The following SHTN1 variants were observed in gnomAD, a reference collection of about 807,000 sequenced individuals.
SHTN1 encodes shootin-1.
In SHTN1, 42 loss-of-function variants were observed where a neutral mutation model predicts 83.1. That is an observed-to-expected ratio of 0.51 (90% CI 0.39 to 0.65). SHTN1 has a LOEUF of 0.65. Among genes scored for constraint, SHTN1 ranks in the 30% least tolerant of loss-of-function variants. SHTN1 has a pLI of 0.00. For missense variants in SHTN1, 622 were observed against 737.8 expected (o/e 0.84, Z 1.82); for synonymous variants, 224 against 247.7 (o/e 0.90, Z 0.90).
At chr10:116,959,232 G>GGA (rs1307017679) in intron 4 of SHTN1, among the ~76,000 whole-genome samples, 1 of 152,168 alleles carries the variant, frequency 6.6e-6, no homozygotes, top group Non-Finnish European at 1.5e-5. Flanking sequence ...ATGAATAACA[G>GGA]GAGAGAAGTT....
In SHTN1 at chr10:117,028,912, T is replaced by G. The variant is rs529304787; in HGVS notation, c.-123+19533A>C. ...GAATGCAGAGCCCCCACTGAGGCAC[T>G]GCCTGATGGAGCAGTGAGAAGAGGA... On this transcript the variant is annotated intron_variant, in intron 2 of 17. Coordinates refer to the SHTN1 transcript ENST00000392901. Among the ~76,000 whole-genome samples the G allele has an allele frequency of 7.0e-4, 106 of 152,320 alleles. No homozygotes were observed. In the Middle Eastern group the frequency reaches 0.01, roughly 15 times the overall value.
intron 11 of SHTN1, among the ~76,000 whole-genome samples, chr10:116,925,212 A>G (rs1848704479): frequency 6.6e-6 from 1 of 152,210 alleles, no homozygotes; most frequent in Admixed American, 6.5e-5. Context: ...CATTTCAATC[A>G]GTAGACTGAG....
At chr10:116,942,588 G>T (rs1849421020) in intron 8 of SHTN1, among the ~76,000 whole-genome samples, 2 of 152,134 alleles carry the variant, frequency 1.3e-5, no homozygotes, top group Non-Finnish European at 2.9e-5. Context: ...TCTTGTTGAG[G>T]GGGATTAAGT....
chr10:116,939,066 G>A (rs549150623), intron 9 of SHTN1, among the ~76,000 whole-genome samples: 5 of 152,316 alleles, frequency 3.3e-5, no homozygotes, highest in Admixed American at 6.5e-5. Flanking sequence ...TGCTGGCAGC[G>A]ACAATTTCAA....
At chr10:117,084,573 A>G (rs1853318760) in intron 1 of SHTN1, among the ~76,000 whole-genome samples, 1 of 152,090 alleles carries the variant, frequency 6.6e-6, no homozygotes, top group Non-Finnish European at 1.5e-5. Context: ...ACCCAGTTCG[A>G]GCTTCCCGGC....
At chr10:116,892,437 T>G (rs1228300629) in intron 16 of SHTN1, among the ~76,000 whole-genome samples, 2 of 152,204 alleles carry the variant, frequency 1.3e-5, no homozygotes, top group Non-Finnish European at 2.9e-5. Context: ...TGCACAACAT[T>G]AAGTCATCAT....
At position 116,900,406 on chromosome 10, in the gene SHTN1, C is replaced by G. The variant is rs139483723; in HGVS notation, c.1673+1359G>C. ...ACATGGATCCTTTTCACTGTCAATTCAACACATATTTTGCAGACCTTGGGC... is the reference window on the plus strand; with the variant it reads ...ACATGGATCCTTTTCACTGTCAATTGAACACATATTTTGCAGACCTTGGGC... On this transcript the variant is annotated intron_variant, in intron 16 of 16. Coordinates refer to ENST00000355371, the MANE Select transcript of SHTN1 (RefSeq NM_001127211.3). 1,168 of 776,014 alleles carry G rather than the reference C, an allele frequency of 1.5e-3. 13 individuals are homozygous for G. In the African/African-American group the frequency reaches 0.018, roughly 12 times the overall value. The allele number at this position is 776,014 out of a possible 1,614,324, so 48.1% of individuals were successfully genotyped here. A position where few individuals can be genotyped will look rare whatever the true frequency, so the allele number is the denominator to read the frequency against.
rs768652780 is a variant in SHTN1, at chr10:116,886,571, G to A, written c.1674-5C>T. 2.5e-6 allele frequency: 4 copies of A among 1,613,180 alleles called. No individual in the cohort carries two copies. The African/African-American group carries it at 5.3e-5, about 22-fold the overall frequency. The stretch of plus-strand genomic sequence containing the variant: ...CATCCAATGCTACTGGGAGGCCTAT[G>A]AGATGAAGAGTTAGACAAAAAAAGT... On this transcript the variant is annotated splice_region_variant and splice_polypyrimidine_tract_variant and intron_variant, in intron 16 of 16. Coordinates refer to ENST00000355371, the MANE Select transcript of SHTN1 (RefSeq NM_001127211.3).
intron 1 of SHTN1, among the ~76,000 whole-genome samples, chr10:116,997,074 G>A (rs1851651891): frequency 6.6e-6 from 1 of 152,130 alleles, no homozygotes; most frequent in African/African-American, 2.4e-5. Context: ...GAATTACAAA[G>A]ACAAGAGGTC....
chr10:117,097,013 GCACACACACACACATAGA>G (rs1444930665), intron 1 of SHTN1, among the ~76,000 whole-genome samples: 115 of 141,754 alleles, frequency 8.1e-4, no homozygotes, highest in African/African-American at 2.6e-3. Context: ...GCACGCGCGC[GCACACACACACACATAGA>G]CACACACACA....
At chr10:116,921,332 C>T (rs1848556775) in intron 12 of SHTN1, 102 bp downstream of exon 12, 5 of 771,118 alleles carry the variant, frequency 6.5e-6, no homozygotes, top group Admixed American at 2.4e-5. Context: ...CTTCATACTA[C>T]TCTCCCAACA....
At chr10:116,901,527 T>C (rs1847735930) in intron 16 of SHTN1, 1 of 985,236 alleles carries the variant, frequency 1.0e-6, no homozygotes, top group Non-Finnish European at 1.2e-6. Context: ...AAGAACCTGA[T>C]TACCAAACCA....
chr10:117,102,605 T>C (rs1055631889), intron 1 of SHTN1, among the ~76,000 whole-genome samples: 1 of 152,072 alleles, frequency 6.6e-6, no homozygotes, highest in African/African-American at 2.4e-5. Flanking sequence ...TCTGGTTACA[T>C]TTGTTTCACC....
intron 2 of SHTN1, among the ~76,000 whole-genome samples, chr10:117,043,040 T>C (rs919180952): frequency 1.3e-5 from 2 of 152,118 alleles, no homozygotes; most frequent in African/African-American, 4.8e-5. Flanking sequence ...ACACCATAAG[T>C]CTATTCTTAT....
intron 8 of SHTN1, among the ~76,000 whole-genome samples, chr10:116,943,333 T>G (rs1325538410): frequency 6.6e-6 from 1 of 152,256 alleles, no homozygotes; most frequent in Non-Finnish European, 1.5e-5. Flanking sequence ...CTGCTTTGTA[T>G]TCTAACATCA....
At chr10:117,061,522 T>C (rs768330718) in intron 1 of SHTN1, among the ~76,000 whole-genome samples, 1 of 148,698 alleles carries the variant, frequency 6.7e-6, no homozygotes, top group Non-Finnish European at 1.5e-5. Context: ...CAGGCTAGAG[T>C]GCAATGGCAT....
In SHTN1 at chr10:116,927,954, G is replaced by A. The variant is rs537951471; in HGVS notation, c.1013-63C>T. Reference sequence around the variant, plus strand: ...AAGCAACTAAACATTGTTTATACATGTGAAAAAAAGAACATAACCTTTCTC... The same window carrying A: ...AAGCAACTAAACATTGTTTATACATATGAAAAAAAGAACATAACCTTTCTC... On this transcript the variant is annotated intron_variant, in intron 10 of 16. Coordinates refer to ENST00000355371, the MANE Select transcript of SHTN1 (RefSeq NM_001127211.3). 25 of 1,554,180 alleles carry A rather than the reference G, an allele frequency of 1.6e-5. No individual in the cohort carries two copies. In the African/African-American group the frequency reaches 3.3e-4, roughly 21 times the overall value.
intron 2 of SHTN1, among the ~76,000 whole-genome samples, chr10:116,971,575 C>A (rs532697812): frequency 7.8e-4 from 119 of 152,232 alleles, no homozygotes; most frequent in African/African-American, 2.7e-3. Context: ...GATTTCCCCA[C>A]CACCCCTACC....
intron 1 of SHTN1, among the ~76,000 whole-genome samples, chr10:117,092,873 C>A (rs539579899): frequency 4.6e-5 from 7 of 152,198 alleles, no homozygotes; most frequent in African/African-American, 1.4e-4. Context: ...TTCTTCAGCT[C>A]ATAGATAAGA....
Sources: gnomAD v4.1 joint callset for allele counts (sites outside exome capture counted in the v4.1 genomes callset) on GRCh38, gnomAD v4.1.1 for gene constraint, MANE v1.5 for transcripts, NCBI Gene and HGNC (gene_info 2026-07-23, HGNC 2026-07-21) for gene names.